Variants in DACH1 observed in about 807,000 individuals in gnomAD.
DACH1 encodes dachshund family transcription factor 1.
DACH1 carries 12 observed loss-of-function variants against 54.2 expected under a neutral mutation model. The ratio of observed to expected loss-of-function variants is 0.22; its 90% CI spans 0.14 to 0.36. The LOEUF is 0.36. Among genes scored for constraint, DACH1 ranks in the 10% least tolerant of loss-of-function variants. The pLI is 1.00. For missense variants in DACH1, 805 were observed against 929.8 expected, an observed-to-expected ratio of 0.87 and a Z score of 1.75; for synonymous variants, 386 against 366.2, an observed-to-expected ratio of 1.05 and a Z score of -0.62.
chr13:71,673,697 C>T (rs1020087586), intron 2 of DACH1, among the ~76,000 whole-genome samples: 18 of 151,984 alleles, frequency 1.2e-4, no homozygotes, highest in Non-Finnish European at 1.0e-4. Context: ...CACCATGGCA[C>T]GTGTATACCT....
At chr13:71,721,088 A>G (rs1204876921) in intron 1 of DACH1, among the ~76,000 whole-genome samples, 1 of 152,218 alleles carries the variant, frequency 6.6e-6, no homozygotes, top group Admixed American at 6.5e-5. Flanking sequence ...CAAAGCCAAC[A>G]CTAATCCTTT....
In DACH1 at chr13:71,438,023, A is replaced by G. The variant is rs1873667134; in HGVS notation, c.*2632T>C. 1 of 152,468 alleles carries G rather than the reference A, an allele frequency of 6.6e-6. No homozygotes were observed. The highest frequency in any genetic ancestry group is 1.5e-5 in the Non-Finnish European group (1 of 67,880). The allele number at this position is 152,468 out of a possible 1,614,324, so 9.4% of individuals were successfully genotyped here. A position where few individuals can be genotyped will look rare whatever the true frequency, so the allele number is the denominator to read the frequency against. ...GAAAAGGAAAAGAAAATTAAATACA[A>G]TAACAGTAAACGTGGTTCTCACATT... On this transcript the variant is annotated 3_prime_UTR_variant, in exon 11 of 11. Coordinates refer to ENST00000613252, the MANE Select transcript of DACH1 (RefSeq NM_080759.6).
intron 3 of DACH1, among the ~76,000 whole-genome samples, chr13:71,582,018 G>C (rs1416313494): frequency 6.6e-6 from 1 of 152,130 alleles, no homozygotes; most frequent in African/African-American, 2.4e-5. Context: ...CAGTGAGGAA[G>C]ATTTGGAAGT....
intron 10 of DACH1, among the ~76,000 whole-genome samples, chr13:71,473,752 C>T (rs184162930): frequency 6.6e-6 from 1 of 152,274 alleles, no homozygotes; most frequent in East Asian, 1.9e-4. Flanking sequence ...TTATATGTCA[C>T]ACTTATCTAT....
intron 3 of DACH1, among the ~76,000 whole-genome samples, chr13:71,604,362 C>G (rs1397454703): frequency 6.6e-6 from 1 of 151,750 alleles, no homozygotes; most frequent in Admixed American, 6.6e-5. Context: ...TAAAAACAGA[C>G]AAGCTAAATT....
intron 3 of DACH1, among the ~76,000 whole-genome samples, chr13:71,625,129 C>T (rs968371012): frequency 1.3e-5 from 2 of 151,728 alleles, no homozygotes; most frequent in Non-Finnish European, 2.9e-5. Context: ...TTTTTTATAA[C>T]AGAAACCAAA....
intron 2 of DACH1, among the ~76,000 whole-genome samples, chr13:71,633,062 C>G (rs1250427735): frequency 6.6e-6 from 1 of 152,106 alleles, no homozygotes; most frequent in Non-Finnish European, 1.5e-5. Context: ...TTTATGACTT[C>G]AAAAGTCTTT....
chr13:71,612,251 G>A (rs1337525537), intron 3 of DACH1, among the ~76,000 whole-genome samples: 1 of 152,046 alleles, frequency 6.6e-6, no homozygotes, highest in Admixed American at 6.6e-5. Flanking sequence ...CCATAATATG[G>A]AGGTTAATTT....
At position 71,723,247 on chromosome 13, in the gene DACH1, A is replaced by T. The variant is rs9572770; in HGVS notation, c.849-41337T>A. On this transcript the variant is annotated intron_variant, in intron 1 of 10. Transcript: ENST00000613252. ...GGCCAAATTTGTCTCTACACAAATTAAAAAAAAAAAAAAAAAATTAGTCCA... is the reference window on the plus strand; with the variant it reads ...GGCCAAATTTGTCTCTACACAAATTTAAAAAAAAAAAAAAAAATTAGTCCA... Among the ~76,000 whole-genome samples, 663 of 90,826 alleles carry T rather than the reference A, an allele frequency of 7.3e-3. 2 individuals are homozygous for T. The highest frequency in any genetic ancestry group is 0.068 in the African/African-American group (228 of 3,346). The allele number at this position is 90,826 out of a possible 152,430, so 59.6% of individuals were successfully genotyped here.
intron 1 of DACH1, among the ~76,000 whole-genome samples, chr13:71,817,437 T>C (rs192936172): frequency 1.3e-5 from 2 of 152,326 alleles, no homozygotes; most frequent in African/African-American, 4.8e-5. Context: ...TATTGAATAC[T>C]TATTGTTCTC....
intron 1 of DACH1, among the ~76,000 whole-genome samples, chr13:71,754,576 A>G (rs906510111): frequency 6.6e-6 from 1 of 152,130 alleles, no homozygotes; most frequent in African/African-American, 2.4e-5. Flanking sequence ...CGTTGACCCA[A>G]CAGCTGTCAG....
chr13:71,860,651 GAC>G (rs1314667031), intron 1 of DACH1, among the ~76,000 whole-genome samples: 1 of 151,908 alleles, frequency 6.6e-6, no homozygotes, highest in Non-Finnish European at 1.5e-5. Context: ...TTCAAAGGGA[GAC>G]AGTTTACAAC....
At chr13:71,540,901 G>A (rs1224942417) in intron 6 of DACH1, among the ~76,000 whole-genome samples, 2 of 151,832 alleles carry the variant, frequency 1.3e-5, no homozygotes, top group East Asian at 1.9e-4. Flanking sequence ...ATATATGATT[G>A]TTTATCTATT....
At chr13:71,507,914 A>T (rs1368228968) in intron 6 of DACH1, among the ~76,000 whole-genome samples, 1 of 152,204 alleles carries the variant, frequency 6.6e-6, no homozygotes, top group African/African-American at 2.4e-5. Context: ...TAACAATTAA[A>T]CATAAAAATT....
At position 71,866,683 on chromosome 13, in the gene DACH1, G is replaced by T; in HGVS notation, c.87C>A (p.Thr29=). 6.9e-7 allele frequency: 1 copy of T among 1,456,582 alleles called. No individual in the cohort carries two copies. Among genetic ancestry groups the T allele is most frequent in the Non-Finnish European group, 9.1e-7 (1 of 1,098,244 alleles). 90.2% of individuals were successfully genotyped at this position (1,456,582 alleles called of 1,614,324 possible). The change falls in exon 1 of 11, where the codon ACC becomes ACA. Residue 29 remains threonine (T), a synonymous_variant. Transcript: ENST00000613252. ...AAGTCGCCGAAGAGGTGGAGGTGGT[G>T]GTGCCAGAGGAGGAAGCAGACGTGG... The part of the protein sequence containing the change: ...PISTSASSSG[T]TTSTSSATSS...
intron 6 of DACH1, among the ~76,000 whole-genome samples, chr13:71,528,702 A>T (rs1213926869): frequency 2.0e-5 from 3 of 152,058 alleles, no homozygotes; most frequent in Non-Finnish European, 4.4e-5. Context: ...TTTTAACATC[A>T]GTTTCCCTTC....
intron 3 of DACH1, among the ~76,000 whole-genome samples, chr13:71,577,426 T>C (rs1033893458): frequency 2.0e-5 from 3 of 152,216 alleles, no homozygotes; most frequent in Admixed American, 1.3e-4. Flanking sequence ...TAGAATGATC[T>C]CTTCAAATCC....
intron 4 of DACH1, among the ~76,000 whole-genome samples, chr13:71,572,049 G>A (rs1471992771): frequency 3.3e-5 from 5 of 152,034 alleles, no homozygotes; most frequent in Non-Finnish European, 7.4e-5. Flanking sequence ...TCAGAAAAAT[G>A]GGATAATTGT....
chr13:71,775,556 C>G (rs537404467), intron 1 of DACH1, among the ~76,000 whole-genome samples: 1 of 152,066 alleles, frequency 6.6e-6, no homozygotes, highest in African/African-American at 2.4e-5. Context: ...CATATTCACA[C>G]AAAGATATAT....
Sources: gnomAD v4.1 joint callset for allele counts (sites outside exome capture counted in the v4.1 genomes callset) on GRCh38, gnomAD v4.1.1 for gene constraint, MANE v1.5 for transcripts, NCBI Gene and HGNC (gene_info 2026-07-23, HGNC 2026-07-21) for gene names.